Variants in BCAS3 observed in about 807,000 individuals in gnomAD.
BCAS3 encodes the protein BCAS4/BCAS3 fusion.
Under a neutral mutation model 116.1 loss-of-function variants are expected in BCAS3, and 53 were observed. That is an observed-to-expected ratio of 0.46 (90% CI 0.37 to 0.57). The LOEUF (loss-of-function observed/expected upper bound fraction) is 0.57. BCAS3 is among the 20% of genes least tolerant of loss of function. BCAS3 has a pLI of 0.00. For synonymous variants in BCAS3, 391 were observed against 408.2 expected (o/e 0.96, Z 0.51); for missense variants, 917 against 1,165.4 (o/e 0.79, Z 3.10).
At chr17:61,080,068 C>G (rs1254900779) in intron 21 of BCAS3, among the ~76,000 whole-genome samples, 3 of 151,168 alleles carry the variant, frequency 2.0e-5, no homozygotes, top group Non-Finnish European at 4.4e-5. Flanking sequence ...CCACGCCTCC[C>G]TAGTTTTTGT....
rs1555707079 is a variant in BCAS3, at chr17:61,084,110, GT to G, written c.2328-356del. On this transcript the variant is annotated intron_variant, in intron 21 of 23. Transcript: ENST00000407086. The surrounding 1 kb of genome is among the most constrained non-coding windows in gnomAD (Gnocchi z 5.5). ...TTTCAGGATTCTCAAAACTCTTCATGTGTGTCCCTTGGAAATCCCAAAGGTT... is the reference window on the plus strand; with the variant it reads ...TTTCAGGATTCTCAAAACTCTTCATGGTGTCCCTTGGAAATCCCAAAGGTT... Among the ~76,000 whole-genome samples the G allele has an allele frequency of 6.6e-6, 1 of 152,172 alleles. No homozygotes were observed. Among genetic ancestry groups the G allele is most frequent in the Non-Finnish European group, 1.5e-5 (1 of 68,038 alleles).
intron 7 of BCAS3, chr17:60,810,605 G>A: frequency 1.4e-6 from 1 of 717,184 alleles, no homozygotes; most frequent in Non-Finnish European, 2.6e-6. Context: ...ACTGTGGACA[G>A]TGCCTGCATC....
chr17:60,817,773 C>T (rs978313055), intron 7 of BCAS3, among the ~76,000 whole-genome samples: 4 of 151,912 alleles, frequency 2.6e-5, no homozygotes, highest in African/African-American at 9.7e-5. Flanking sequence ...AAAAATTAGT[C>T]TTTTGCCAAG....
Position 61,323,269 on chromosome 17 carries a change from A to G in BCAS3, c.2426-45058A>G, listed in dbSNP as rs879642199. On this transcript the variant is annotated intron_variant, in intron 22 of 23. Transcript: ENST00000407086. The surrounding 1 kb of genome is among the most constrained non-coding windows in gnomAD (Gnocchi z 4.6). Reference sequence around the variant, plus strand: ...CTTCCCCAGGGGGAAGGACTCATTTATAACCCGTTCTGATTATTCTTCTCC... The same window carrying G: ...CTTCCCCAGGGGGAAGGACTCATTTGTAACCCGTTCTGATTATTCTTCTCC... Among the ~76,000 whole-genome samples the G allele has an allele frequency of 1.3e-5, 2 of 152,162 alleles. No individual in the cohort carries two copies. The highest frequency in any genetic ancestry group is 6.5e-5 in the Admixed American group (1 of 15,276).
At chr17:60,715,228 G>A (rs1476259224) in intron 5 of BCAS3, among the ~76,000 whole-genome samples, 1 of 150,922 alleles carries the variant, frequency 6.6e-6, no homozygotes, top group Non-Finnish European at 1.5e-5. Context: ...CCACCTCTGG[G>A]GTTCAAGTAG....
rs1439000370 is a variant in BCAS3, at chr17:61,347,709, A to G, written c.2426-20618A>G. On this transcript the variant is annotated intron_variant, in intron 22 of 23. Transcript: ENST00000407086. The surrounding 1 kb of genome is among the most constrained non-coding windows in gnomAD (Gnocchi z 4.3). The stretch of plus-strand genomic sequence containing the variant: ...TGTGGAATTGGTGACTCTAGGTGCT[A>G]TGTGAAGGTAAGCCTAGGGTGTTGT... 6.6e-6 allele frequency among the ~76,000 whole-genome samples: 1 copy of G among 152,204 alleles called. No individual in the cohort carries two copies. The highest frequency in any genetic ancestry group is 2.4e-5 in the African/African-American group (1 of 41,454).
rs1447559500 is a variant in BCAS3, at chr17:61,217,389, C to T, written c.2425+132825C>T. On this transcript the variant is annotated intron_variant, in intron 22 of 23. Coordinates refer to ENST00000407086, the MANE Select transcript of BCAS3 (RefSeq NM_017679.5). This position sits in a 1 kb window ranked among gnomAD's most constrained non-coding sequence, Gnocchi z 5.2. ...GTTCCTGAAAAGAATAGATTATTTC[C>T]CCAGCTGGATGATTTCCAGTCCTTA... Among the ~76,000 whole-genome samples the T allele has an allele frequency of 1.3e-5, 2 of 151,950 alleles. No homozygotes were observed. The highest frequency in any genetic ancestry group is 2.9e-5 in the Non-Finnish European group (2 of 67,990).
intron 14 of BCAS3, among the ~76,000 whole-genome samples, chr17:60,988,928 A>G (rs2063348193): frequency 6.6e-6 from 1 of 150,424 alleles, no homozygotes; most frequent in Non-Finnish European, 1.5e-5. Context: ...TAATTTTGGG[A>G]TTGGGTTCCT....
intron 14 of BCAS3, among the ~76,000 whole-genome samples, chr17:60,955,918 A>AT (rs1423240922): frequency 6.6e-6 from 1 of 152,084 alleles, no homozygotes; most frequent in Non-Finnish European, 1.5e-5. Context: ...GTTGTTACTG[A>AT]TTTTGATTTT....
Position 61,354,166 on chromosome 17 carries a change from A to C in BCAS3, c.2426-14161A>C, listed in dbSNP as rs2058025664. On this transcript the variant is annotated intron_variant, in intron 22 of 23. Coordinates refer to ENST00000407086, the MANE Select transcript of BCAS3 (RefSeq NM_017679.5). The surrounding 1 kb of genome is among the most constrained non-coding windows in gnomAD (Gnocchi z 4.5). The stretch of plus-strand genomic sequence containing the variant: ...AACCACCCTGGACGGTGAGAAACTA[A>C]GGTGACTGAGGCAAGTCATTGAACC... The C allele has an allele frequency of 2.0e-5, 3 of 152,200 alleles. No homozygotes were observed. Among genetic ancestry groups the C allele is most frequent in the Non-Finnish European group, 4.4e-5 (3 of 68,054 alleles). 9.4% of individuals were successfully genotyped at this position (152,200 alleles called of 1,614,324 possible). A position where few individuals can be genotyped will look rare whatever the true frequency, so the allele number is the denominator to read the frequency against.
chr17:61,323,741 T>G lies in BCAS3; in HGVS notation c.2426-44586T>G, dbSNP rs1671255839. Among the ~76,000 whole-genome samples, 2 of 152,146 alleles carry G rather than the reference T, an allele frequency of 1.3e-5. No individual in the cohort carries two copies. On this transcript the variant is annotated intron_variant, in intron 22 of 23. Coordinates refer to ENST00000407086, the MANE Select transcript of BCAS3 (RefSeq NM_017679.5). The surrounding 1 kb of genome is among the most constrained non-coding windows in gnomAD (Gnocchi z 4.6). ...TTCCCTCCAAGGATTCAGGGACCAT[T>G]CATCACCGTGGTGCCTAGTCCCCAG... is the stretch of plus-strand genomic sequence containing the variant.
intron 12 of BCAS3, among the ~76,000 whole-genome samples, chr17:60,918,954 A>G (rs1214568491): frequency 6.6e-6 from 1 of 152,016 alleles, no homozygotes; most frequent in African/African-American, 2.4e-5. Context: ...CAGCCTCCCA[A>G]AGTGCTGGGA....
chr17:61,032,284 A>C lies in BCAS3; in HGVS notation c.1638-2382A>C, dbSNP rs2066701265. Among the ~76,000 whole-genome samples the C allele has an allele frequency of 6.6e-6, 1 of 152,162 alleles. No individual in the cohort carries two copies. The highest frequency in any genetic ancestry group is 2.1e-4 in the South Asian group (1 of 4,830). On this transcript the variant is annotated intron_variant, in intron 16 of 23. Transcript: ENST00000407086. The surrounding 1 kb of genome is among the most constrained non-coding windows in gnomAD (Gnocchi z 4.6). Reference sequence around the variant, plus strand: ...TTGCAAAGAGCTTTGAGTTTGTCCCAATGAAGCTTGTTGGTACATTGTAGT... The same window carrying C: ...TTGCAAAGAGCTTTGAGTTTGTCCCCATGAAGCTTGTTGGTACATTGTAGT...
chr17:61,194,764 A>G (rs1018174312), intron 22 of BCAS3, among the ~76,000 whole-genome samples: 2 of 149,812 alleles, frequency 1.3e-5, no homozygotes, highest in South Asian at 2.1e-4. Context: ...AAAAAGATAT[A>G]CTAACTATGT....
chr17:61,293,790 T>G (rs2144714505), intron 22 of BCAS3, among the ~76,000 whole-genome samples: 1 of 152,350 alleles, frequency 6.6e-6, no homozygotes, highest in East Asian at 1.9e-4. Context: ...AGACAGGGTC[T>G]CACTCTGTCA....
At position 61,356,475 on chromosome 17, in the gene BCAS3, T is replaced by G. The variant is rs1330000637; in HGVS notation, c.2426-11852T>G. The stretch of plus-strand genomic sequence containing the variant: ...CTTGTTCCCTGAAGCACCTCCATGT[T>G]TGTTCTGAATGTGGAGCCAGTCGAG... On this transcript the variant is annotated intron_variant, in intron 22 of 23. Coordinates refer to ENST00000407086, the MANE Select transcript of BCAS3 (RefSeq NM_017679.5). The surrounding 1 kb of genome is among the most constrained non-coding windows in gnomAD (Gnocchi z 5.4). 6.6e-6 allele frequency among the ~76,000 whole-genome samples: 1 copy of G among 152,200 alleles called. No individual in the cohort carries two copies. The highest frequency in any genetic ancestry group is 1.5e-5 in the Non-Finnish European group (1 of 68,030).
chr17:60,725,466 A>G (rs1401044224), intron 5 of BCAS3, among the ~76,000 whole-genome samples: 1 of 152,226 alleles, frequency 6.6e-6, no homozygotes, highest in Non-Finnish European at 1.5e-5. Flanking sequence ...ATTACGAGAT[A>G]CAAATAAAGT....
intron 7 of BCAS3, chr17:60,811,520 TA>T (rs548812040): frequency 0.12 from 33,837 of 277,168 alleles, no homozygotes; most frequent in South Asian, 0.2. Context: ...AGTTCAGAGG[TA>T]AAAAAAAAAA....
At chr17:60,936,494 A>G (rs1447464606) in intron 13 of BCAS3, among the ~76,000 whole-genome samples, 7 of 152,064 alleles carry the variant, frequency 4.6e-5, no homozygotes, top group Non-Finnish European at 5.9e-5. Context: ...AAGTGTTCCT[A>G]TTTCTCCACA....
Sources: allele counts gnomAD v4.1 joint callset (sites outside exome capture counted in the v4.1 genomes callset), GRCh38; gene constraint gnomAD v4.1.1; non-coding constraint Gnocchi (gnomAD v3.1); transcripts MANE v1.5; gene names NCBI Gene and HGNC (gene_info 2026-07-23, HGNC 2026-07-21).